The following RALB variants were observed in gnomAD, a reference collection of about 807,000 sequenced individuals.
RALB encodes ras-related protein Ral-B.
RALB carries 16 observed loss-of-function variants against 21.3 expected under a neutral mutation model. The observed-to-expected ratio is 0.75, with a 90% CI of 0.51 to 1.14. The LOEUF (loss-of-function observed/expected upper bound fraction) is 1.14, where lower values mean the gene tolerates loss of function less well. Among genes scored for constraint, RALB ranks in the 50% most tolerant of loss-of-function variants. The pLI is 0.00. For synonymous variants in RALB, 93 were observed against 96.1 expected, an observed-to-expected ratio of 0.97 and a Z score of 0.19; for missense variants, 161 against 256.2, an observed-to-expected ratio of 0.63 and a Z score of 2.54.
chr2:120,266,580 G>A (rs893497383), intron 1 of RALB, among the ~76,000 whole-genome samples: 1 of 152,142 alleles, frequency 6.6e-6, no homozygotes, highest in African/African-American at 2.4e-5. Flanking sequence ...GCGTGGTGGT[G>A]TGTGCCTGTA....
intron 1 of RALB, chr2:120,253,809 A>T: frequency 1.5e-6 from 1 of 686,144 alleles, no homozygotes; most frequent in South Asian, 6.5e-5. Context: ...CTGATTGCTC[A>T]TCTGGGTTAC....
At position 120,255,912 on chromosome 2, in the gene RALB, A is replaced by G. The variant is rs918826975; in HGVS notation, c.-48+2932A>G. 8.8e-5 allele frequency among the ~76,000 whole-genome samples: 7 copies of G among 79,884 alleles called. No individual in the cohort carries two copies. The East Asian group carries it at 1.6e-3, about 18-fold the overall frequency. 52.4% of individuals were successfully genotyped at this position (79,884 alleles called of 152,430 possible). A position where few individuals can be genotyped will look rare whatever the true frequency, so the allele number is the denominator to read the frequency against. On this transcript the variant is annotated intron_variant, in intron 1 of 4. Transcript: ENST00000272519. Reference sequence around the variant, plus strand: ...TCAGTGCTTTGTGGGCATTTTTTATATATAGCATTGTTCCAAGCTATACGG... The same window carrying G: ...TCAGTGCTTTGTGGGCATTTTTTATGTATAGCATTGTTCCAAGCTATACGG...
At chr2:120,249,329 G>A (rs923280232), upstream of RALB, among the ~76,000 whole-genome samples, 6 of 152,160 alleles carry the variant, frequency 3.9e-5, no homozygotes, top group African/African-American at 7.2e-5. Flanking sequence ...CACCGCGCCC[G>A]TCCGTGTTAG....
chr2:120,274,937 T>G (rs1386297631), intron 1 of RALB, among the ~76,000 whole-genome samples: 1 of 152,228 alleles, frequency 6.6e-6, no homozygotes, highest in East Asian at 1.9e-4. Flanking sequence ...GCTGGAATTT[T>G]AGGCTTTAGC....
In RALB at chr2:120,254,965, C is replaced by G. The variant is rs143154597; in HGVS notation, c.-48+1985C>G. Among the ~76,000 whole-genome samples the G allele has an allele frequency of 7.3e-3, 1,115 of 152,332 alleles. 14 individuals carry two copies. Among genetic ancestry groups the G allele is most frequent in the African/African-American group, 0.025 (1,058 of 41,554 alleles). ...TGCTGGGGATCACAGGTGTGAGCCA[C>G]CCCGTCTGGCAGGGATAATTCTTTC... On this transcript the variant is annotated intron_variant, in intron 1 of 4. Coordinates refer to ENST00000272519, the MANE Select transcript of RALB (RefSeq NM_002881.3).
intron 1 of RALB, among the ~76,000 whole-genome samples, chr2:120,262,364 CAGGTCTCAG>C (rs938240875): frequency 2.0e-5 from 3 of 152,132 alleles, no homozygotes; most frequent in African/African-American, 7.2e-5. Context: ...AGGGCACACC[CAGGTCTCAG>C]AGCTAGAAGG....
At chr2:120,262,932 G>A (rs771905504) in intron 1 of RALB, among the ~76,000 whole-genome samples, 32 of 152,172 alleles carry the variant, frequency 2.1e-4, no homozygotes, top group Non-Finnish European at 3.4e-4. Flanking sequence ...GCCCTGAGAC[G>A]TAGGCAGGGC....
chr2:120,262,723 G>A (rs1015362081), intron 1 of RALB, among the ~76,000 whole-genome samples: 2 of 152,216 alleles, frequency 1.3e-5, no homozygotes, highest in African/African-American at 4.8e-5. Flanking sequence ...TGTTAGAGCC[G>A]TTTCGGGAGT....
At chr2:120,245,399 T>C (rs775469747) in intron 1 of RALB, among the ~76,000 whole-genome samples, 11 of 152,190 alleles carry the variant, frequency 7.2e-5, no homozygotes, top group Non-Finnish European at 1.5e-4. Flanking sequence ...GATCCTGAAC[T>C]GCTGAGGGGA....
chr2:120,289,668 G>A lies in RALB; in HGVS notation c.412G>A (p.Val138Met). ...GTCTGACCTAGAGGAGCGGAGGCAG[G>A]TGCCTGTGGAGGAGGCCAGGAGTAA... Reference protein sequence around the residue: ...NKSDLEERRQVPVEEARSKAE... With the variant: ...NKSDLEERRQMPVEEARSKAE... Residue 138 changes from valine to methionine, a missense_variant, in exon 4 of 5, where the codon GTG becomes ATG. Physicochemically the swap from Val to Met is conservative, Grantham distance 21. Transcript: ENST00000272519. 3 of 1,614,244 alleles carry A rather than the reference G, an allele frequency of 1.9e-6. No homozygotes were observed. Among genetic ancestry groups the A allele is most frequent in the Non-Finnish European group, 2.5e-6 (3 of 1,180,050 alleles).
chr2:120,250,123 C>T (rs1012406225), upstream of RALB, among the ~76,000 whole-genome samples: 2 of 152,206 alleles, frequency 1.3e-5, no homozygotes, highest in African/African-American at 4.8e-5. Flanking sequence ...TTTTGGGGTG[C>T]TTGTCTGTTT....
At chr2:120,284,228 T>C (rs1418308183) in intron 2 of RALB, among the ~76,000 whole-genome samples, 1 of 152,218 alleles carries the variant, frequency 6.6e-6, no homozygotes, top group Non-Finnish European at 1.5e-5. Flanking sequence ...TCTTAATATT[T>C]TTATTTTTGA....
At chr2:120,244,906 G>C (rs1304138957) in intron 1 of RALB, among the ~76,000 whole-genome samples, 3 of 152,216 alleles carry the variant, frequency 2.0e-5, no homozygotes, top group African/African-American at 7.2e-5. Flanking sequence ...GATACAGTGG[G>C]AGCAGGAGCG....
rs1478441191 is a variant in RALB, at chr2:120,289,695, G to A, written c.439G>A (p.Ala147Thr). The A allele has an allele frequency of 6.2e-7, 1 of 1,614,212 alleles. No homozygotes were observed. ...QVPVEEARSK[A>T]EEWGVQYVET... Reference sequence around the variant, plus strand: ...GCCTGTGGAGGAGGCCAGGAGTAAAGCCGAAGAGTGGGGCGTGCAGTACGT... The same window carrying A: ...GCCTGTGGAGGAGGCCAGGAGTAAAACCGAAGAGTGGGGCGTGCAGTACGT... Residue 147 changes from alanine (A) to threonine (T), a missense_variant, in exon 4 of 5, where the codon GCC (alanine) becomes ACC (threonine). Transcript: ENST00000272519.
rs1407675405 is a variant in RALB at position 120,258,776 on chromosome 2, G to A, written c.-48+5796G>A. ...AATGGGAGTCAAAAATGACTTCCAG[G>A]TCCCTGGCTTTGGTAACGATACGGA... On this transcript the variant is annotated intron_variant, in intron 1 of 4. Transcript: ENST00000272519. Among the ~76,000 whole-genome samples the A allele has an allele frequency of 3.9e-5, 6 of 152,340 alleles. No individual in the cohort carries two copies. The East Asian group carries it at 1.2e-3, about 29-fold the overall frequency.
intron 1 of RALB, among the ~76,000 whole-genome samples, chr2:120,278,408 C>T (rs1689900963): frequency 6.6e-6 from 1 of 152,146 alleles, no homozygotes; most frequent in Non-Finnish European, 1.5e-5. Context: ...CCTGTTTCTC[C>T]CCTCTAGCCT....
chr2:120,276,564 T>C (rs1689798660), intron 1 of RALB, among the ~76,000 whole-genome samples: 1 of 151,560 alleles, frequency 6.6e-6, no homozygotes, highest in African/African-American at 2.4e-5. Context: ...GATCGTTCCA[T>C]TGCACTCCAG....
intron 2 of RALB, 43 bp downstream of exon 2, chr2:120,278,821 C>T (rs376783472): frequency 2.0e-5 from 29 of 1,453,376 alleles, no homozygotes; most frequent in Admixed American, 2.4e-5. Flanking sequence ...TGGCATTGGC[C>T]GTAGCAGTGT....
At chr2:120,258,314 C>T (rs1193598364) in intron 1 of RALB, among the ~76,000 whole-genome samples, 2 of 152,120 alleles carry the variant, frequency 1.3e-5, no homozygotes, top group Admixed American at 1.3e-4. Context: ...AGGTCTTTCT[C>T]GAGTTTCTTG....
Sources: gnomAD v4.1 joint callset for allele counts (sites outside exome capture counted in the v4.1 genomes callset) on GRCh38, gnomAD v4.1.1 for gene constraint, MANE v1.5 for transcripts, NCBI Gene and HGNC (gene_info 2026-07-23, HGNC 2026-07-21) for gene names.